IKZF4: variants seen among roughly 807,000 people sequenced by gnomAD.
IKZF4 encodes zinc finger protein Eos.
A neutral mutation model predicts 47.7 loss-of-function variants in IKZF4; 11 were observed. The ratio of observed to expected loss-of-function variants is 0.23; its 90% CI spans 0.15 to 0.38. The LOEUF is 0.38. Among genes scored for constraint, IKZF4 ranks in the 10% least tolerant of loss-of-function variants. The pLI is 1.00. For synonymous variants in IKZF4, 298 were observed against 299.4 expected (o/e 1.00, Z 0.05); for missense variants, 557 against 784.9 (o/e 0.71, Z 3.47).
intron 2 of IKZF4, among the ~76,000 whole-genome samples, chr12:56,015,804 CT>C (rs1378492118): frequency 6.6e-6 from 1 of 152,192 alleles, no homozygotes; most frequent in African/African-American, 2.4e-5. Context: ...CTTTTGATCT[CT>C]ATCTCAAGTT....
chr12:56,023,024 C>T (rs1248092870), intron 1 of IKZF4, among the ~76,000 whole-genome samples: 1 of 152,184 alleles, frequency 6.6e-6, no homozygotes, highest in Admixed American at 6.5e-5. Context: ...TGGTCTCGAT[C>T]TCCTGACCTC....
In IKZF4 at chr12:56,021,552, C is replaced by T. The variant is rs753820473; in HGVS notation, c.59C>T (p.Pro20Leu). 26 of 1,608,438 alleles carry T rather than the reference C, an allele frequency of 1.6e-5. No homozygotes were observed. In the East Asian group the frequency reaches 5.6e-4, roughly 35 times the overall value. Residue 20 changes from proline to leucine, a missense_variant, in exon 1 of 8, where the codon CCA becomes CTA. Transcript: ENST00000547167. ...CAAGGCGGCGGCCGCGTTCGCACCC[C>T]AGGGTCTCACCGGCAAGGGAAGGAT... ...RFQGGGRVRTPGSHRQGKDNL... is the reference protein window; with the variant it reads ...RFQGGGRVRTLGSHRQGKDNL...
At chr12:56,008,939 A>G (rs1353551076) in intron 1 of IKZF4, among the ~76,000 whole-genome samples, 2 of 152,068 alleles carry the variant, frequency 1.3e-5, no homozygotes, top group Non-Finnish European at 2.9e-5. Flanking sequence ...AGCCTCCCAA[A>G]GTGCTGGGAT....
In IKZF4 at chr12:56,021,074, C is replaced by T; in HGVS notation, c.-420C>T. ...TTGCCTCTCTCAGGCATTTGTTGTG[C>T]AGTTCCTCTTTGTCTGCTGGGCACG... On this transcript the variant is annotated 5_prime_UTR_variant, in exon 1 of 8. Transcript: ENST00000547167. 8.1e-7 allele frequency: 1 copy of T among 1,237,048 alleles called. No individual in the cohort carries two copies. The highest frequency in any genetic ancestry group is 1.0e-6 in the Non-Finnish European group (1 of 980,688). 76.6% of individuals were successfully genotyped at this position (1,237,048 alleles called of 1,614,324 possible). A position where few individuals can be genotyped will look rare whatever the true frequency, so the allele number is the denominator to read the frequency against.
intron 5 of IKZF4, among the ~76,000 whole-genome samples, chr12:56,029,363 C>A (rs1481114581): frequency 1.3e-5 from 2 of 152,140 alleles, no homozygotes; most frequent in Admixed American, 6.6e-5. Flanking sequence ...AGGCTTTTGG[C>A]TTGGACTTGG....
upstream of IKZF4, among the ~76,000 whole-genome samples, chr12:56,020,696 A>G (rs576974953): frequency 7.9e-5 from 12 of 152,236 alleles, no homozygotes; most frequent in Admixed American, 6.5e-4. Context: ...AGGGGGGGAA[A>G]TGGGGAGACC....
intron 1 of IKZF4, among the ~76,000 whole-genome samples, chr12:56,022,089 G>A (rs919922595): frequency 6.6e-6 from 1 of 152,132 alleles, no homozygotes; most frequent in Non-Finnish European, 1.5e-5. Flanking sequence ...CCTGGAGCCC[G>A]TGGTCAAGAA....
chr12:56,026,185 C>T (rs1592954877), intron 3 of IKZF4, among the ~76,000 whole-genome samples: 1 of 152,280 alleles, frequency 6.6e-6, no homozygotes, highest in South Asian at 2.1e-4. Flanking sequence ...AATCCACCCG[C>T]CTTGGCCTCC....
chr12:56,017,223 T>TCCCTC (rs1892201900), upstream of IKZF4, among the ~76,000 whole-genome samples: 1 of 122,438 alleles, frequency 8.2e-6, no homozygotes, highest in Non-Finnish European at 1.6e-5. Context: ...AAATTCAGAC[T>TCCCTC]CCCCCCCCGC....
At position 56,027,412 on chromosome 12, in the gene IKZF4, AAAC is replaced by A. The variant is rs142401811; in HGVS notation, c.548-344_548-342del. ...TGGGCCCTCCCATCTAATAATTAAA[AAAC>A]AACAACAACAACAACAACAACAAAA... On this transcript the variant is annotated intron_variant, in intron 4 of 7. Transcript: ENST00000547167. Among the ~76,000 whole-genome samples the A allele has an allele frequency of 6.4e-3, 980 of 152,028 alleles. 14 individuals carry two copies. The highest frequency in any genetic ancestry group is 0.021 in the African/African-American group (854 of 41,436).
chr12:56,034,123 A>C (rs1053846505), intron 7 of IKZF4, among the ~76,000 whole-genome samples: 5 of 151,856 alleles, frequency 3.3e-5, no homozygotes, highest in African/African-American at 1.2e-4. Flanking sequence ...GGATGGTCTT[A>C]ATCTCCTGAC....
chr12:56,012,377 C>A (rs1891438354), intron 2 of IKZF4, among the ~76,000 whole-genome samples: 1 of 150,662 alleles, frequency 6.6e-6, no homozygotes, highest in African/African-American at 2.4e-5. Flanking sequence ...TGGGTTCAAG[C>A]GATTCTCCTG....
chr12:56,023,860 T>C (rs1445734037), intron 2 of IKZF4, 96 bp downstream of exon 2: 1 of 1,525,774 alleles, frequency 6.6e-7, no homozygotes, highest in Non-Finnish European at 8.8e-7. Context: ...GCACTCTCCC[T>C]TGCTTTCTCT....
chr12:56,007,926 C>G (rs911879236), intron 1 of IKZF4, among the ~76,000 whole-genome samples: 2 of 151,772 alleles, frequency 1.3e-5, no homozygotes, highest in Non-Finnish European at 2.9e-5. Context: ...GGCCCGAGGC[C>G]CCAGTATTAA....
intron 2 of IKZF4, among the ~76,000 whole-genome samples, chr12:56,014,513 C>A (rs1260221441): frequency 5.9e-5 from 9 of 152,210 alleles, no homozygotes; most frequent in Admixed American, 5.2e-4. Context: ...CACACACACA[C>A]ACACAAAATA....
Position 56,021,102 on chromosome 12 carries a change from G to T in IKZF4, c.-392G>T. 7.3e-7 allele frequency: 1 copy of T among 1,368,830 alleles called. No individual in the cohort carries two copies. The highest frequency in any genetic ancestry group is 9.4e-7 in the Non-Finnish European group (1 of 1,061,986). 84.8% of individuals were successfully genotyped at this position (1,368,830 alleles called of 1,614,324 possible). A position where few individuals can be genotyped will look rare whatever the true frequency, so the allele number is the denominator to read the frequency against. On this transcript the variant is annotated 5_prime_UTR_variant, in exon 1 of 8. Coordinates refer to ENST00000547167, the MANE Select transcript of IKZF4 (RefSeq NM_022465.4). ...TTCCTCTTTGTCTGCTGGGCACGAG[G>T]GGCAACAGCATCTGCCTTTCCCTCC...
chr12:56,018,304 C>T, upstream of IKZF4: 1 of 541,332 alleles, frequency 1.8e-6, no homozygotes, highest in South Asian at 1.7e-5. Context: ...AACACTCATG[C>T]TTGGTGGCCC....
chr12:56,031,418 G>A lies in IKZF4; in HGVS notation c.716-1143G>A, dbSNP rs188131705. Among the ~76,000 whole-genome samples, 5 of 152,130 alleles carry A rather than the reference G, an allele frequency of 3.3e-5. No homozygotes were observed. The South Asian group carries it at 8.3e-4, about 25-fold the overall frequency. On this transcript the variant is annotated intron_variant, in intron 5 of 7. Coordinates refer to ENST00000547167, the MANE Select transcript of IKZF4 (RefSeq NM_022465.4). ...ATTAAAATTTGAAAAAAAAGAAAGCGGTTGGAGGATCATTCCTCTCCCAGA... is the reference window on the plus strand; with the variant it reads ...ATTAAAATTTGAAAAAAAAGAAAGCAGTTGGAGGATCATTCCTCTCCCAGA...
intron 3 of IKZF4, 108 bp from the exon 4 acceptor site, chr12:56,026,673 G>A: frequency 4.9e-6 from 6 of 1,224,580 alleles, no homozygotes; most frequent in Non-Finnish European, 6.5e-6. Flanking sequence ...TGGGCAACAA[G>A]AGCGAAATTC....
Sources: allele counts gnomAD v4.1 joint callset (sites outside exome capture counted in the v4.1 genomes callset), GRCh38; gene constraint gnomAD v4.1.1; transcripts MANE v1.5; gene names NCBI Gene and HGNC (gene_info 2026-07-23, HGNC 2026-07-21).